The following COLEC12 variants were observed in gnomAD, a reference collection of about 807,000 sequenced individuals.
COLEC12 encodes collectin subfamily member 12.
COLEC12 carries 33 observed loss-of-function variants against 71.1 expected under a neutral mutation model. The ratio of observed to expected loss-of-function variants is 0.46; its 90% CI spans 0.35 to 0.62. COLEC12 has a LOEUF of 0.62. Ranked by LOEUF, COLEC12 falls within the 20% of genes least tolerant of loss-of-function variation. COLEC12 has a pLI of 0.00. For synonymous variants in COLEC12, 350 were observed against 353.0 expected (o/e 0.99, Z 0.10); for missense variants, 765 against 916.1 (o/e 0.84, Z 2.13).
At position 358,177 on chromosome 18, in the gene COLEC12, AGGTAGG is replaced by A. The variant is rs558172248; in HGVS notation, c.59-661_59-656del. On this transcript the variant is annotated intron_variant, in intron 2 of 9. Coordinates refer to ENST00000400256, the MANE Select transcript of COLEC12 (RefSeq NM_130386.3). The stretch of plus-strand genomic sequence containing the variant: ...ATGAAACTGGTCCCTGGTTCCAAAA[AGGTAGG>A]GGACCACTGTCCTAGAGTGTACTTA... Among the ~76,000 whole-genome samples, 506 of 152,276 alleles carry A rather than the reference AGGTAGG, an allele frequency of 3.3e-3. 3 individuals are homozygous for A. Among genetic ancestry groups the A allele is most frequent in the African/African-American group, 0.012 (488 of 41,570 alleles).
intron 2 of COLEC12, among the ~76,000 whole-genome samples, chr18:439,936 A>G (rs1165484805): frequency 6.6e-6 from 1 of 152,224 alleles, no homozygotes. Flanking sequence ...ATACAGAAAC[A>G]ATCTAAATGT....
chr18:474,005 G>A (rs1254754056), intron 2 of COLEC12, among the ~76,000 whole-genome samples: 1 of 152,092 alleles, frequency 6.6e-6, no homozygotes, highest in Non-Finnish European at 1.5e-5. Flanking sequence ...GAAAATTCAG[G>A]GCTCCAGTGT....
chr18:464,013 C>T (rs1268753784), intron 2 of COLEC12, among the ~76,000 whole-genome samples: 1 of 152,152 alleles, frequency 6.6e-6, no homozygotes, highest in East Asian at 1.9e-4. Context: ...GACTGGTTCC[C>T]TTTCTTGGTT....
intron 2 of COLEC12, among the ~76,000 whole-genome samples, chr18:381,070 C>T (rs1186903064): frequency 6.6e-6 from 1 of 152,042 alleles, no homozygotes; most frequent in African/African-American, 2.4e-5. Context: ...GAAGTTGAGC[C>T]TTCTATAAAT....
chr18:373,615 CGTT>C (rs1915049744), intron 2 of COLEC12, among the ~76,000 whole-genome samples: 1 of 152,100 alleles, frequency 6.6e-6, no homozygotes. Context: ...TAACAAATCT[CGTT>C]GTCAATTTCT....
chr18:423,186 T>G (rs137865227), intron 2 of COLEC12, among the ~76,000 whole-genome samples: 6 of 152,240 alleles, frequency 3.9e-5, no homozygotes, highest in East Asian at 1.9e-4. Flanking sequence ...GGAGGACTGC[T>G]TGAGCCCAGG....
rs146002075 is a variant in COLEC12, at chr18:333,630, C to T, written c.1817-487G>A. 363 of 152,716 alleles carry T rather than the reference C, an allele frequency of 2.4e-3. 2 individuals carry two copies. The highest frequency in any genetic ancestry group is 7.8e-3 in the African/African-American group (324 of 41,576). The allele number at this position is 152,716 out of a possible 1,614,324, so 9.5% of individuals were successfully genotyped here. A position where few individuals can be genotyped will look rare whatever the true frequency, so the allele number is the denominator to read the frequency against. On this transcript the variant is annotated intron_variant, in intron 6 of 9. Transcript: ENST00000400256. The stretch of plus-strand genomic sequence containing the variant: ...TAGGCTTGGTTGCTAACCAAACATT[C>T]GAGTTTTGCCAAAGGTTTAATTATC...
At chr18:457,323 T>C (rs2030434035) in intron 2 of COLEC12, among the ~76,000 whole-genome samples, 1 of 152,096 alleles carries the variant, frequency 6.6e-6, no homozygotes, top group African/African-American at 2.4e-5. Context: ...GGAGATTCAG[T>C]TACAGTGAAG....
At chr18:389,012 GC>G (rs1053436916) in intron 2 of COLEC12, among the ~76,000 whole-genome samples, 65 of 152,054 alleles carry the variant, frequency 4.3e-4, no homozygotes, top group Non-Finnish European at 6.2e-4. Flanking sequence ...AAGGAAAGCA[GC>G]CCAGTTACAT....
At chr18:438,268 C>T (rs1034031625) in intron 2 of COLEC12, among the ~76,000 whole-genome samples, 3 of 152,174 alleles carry the variant, frequency 2.0e-5, no homozygotes, top group Non-Finnish European at 1.5e-5. Context: ...GAAAAATTCA[C>T]TTTTTCTCTT....
At chr18:443,411 G>A (rs1185854516) in intron 2 of COLEC12, among the ~76,000 whole-genome samples, 1 of 152,166 alleles carries the variant, frequency 6.6e-6, no homozygotes, top group Non-Finnish European at 1.5e-5. Context: ...ATGTCTTTTG[G>A]TTAGTAAAGT....
At chr18:328,597 C>T (rs192215957) in intron 8 of COLEC12, among the ~76,000 whole-genome samples, 13 of 152,304 alleles carry the variant, frequency 8.5e-5, no homozygotes, top group African/African-American at 2.6e-4. Context: ...TTCTTGAGCA[C>T]TTCCTATGTG....
chr18:486,481 G>A (rs1917520550), intron 1 of COLEC12, among the ~76,000 whole-genome samples: 1 of 152,110 alleles, frequency 6.6e-6, no homozygotes, highest in Admixed American at 6.6e-5. Flanking sequence ...CACCACACCT[G>A]GCTGCATTTT....
intron 2 of COLEC12, among the ~76,000 whole-genome samples, chr18:381,699 T>C (rs1915234313): frequency 6.6e-6 from 1 of 152,186 alleles, no homozygotes; most frequent in Non-Finnish European, 1.5e-5. Context: ...AAAACATTAC[T>C]TGTCATGAAG....
At chr18:446,315 C>T (rs925882124) in intron 2 of COLEC12, among the ~76,000 whole-genome samples, 2 of 152,114 alleles carry the variant, frequency 1.3e-5, no homozygotes, top group African/African-American at 2.4e-5. Context: ...CAAACACACA[C>T]CCCTAAGAGT....
At chr18:429,710 G>A (rs1329223660) in intron 2 of COLEC12, among the ~76,000 whole-genome samples, 1 of 152,074 alleles carries the variant, frequency 6.6e-6, no homozygotes, top group Non-Finnish European at 1.5e-5. Context: ...ACACAAGCTA[G>A]CAAAGAACAG....
chr18:447,167 C>T (rs1435802595), intron 2 of COLEC12, among the ~76,000 whole-genome samples: 3 of 152,216 alleles, frequency 2.0e-5, no homozygotes, highest in Non-Finnish European at 2.9e-5. Context: ...TACATTCAGG[C>T]TTTACTTGGC....
chr18:326,789 TAAGTC>T (rs1470381968), intron 8 of COLEC12, among the ~76,000 whole-genome samples: 1 of 152,242 alleles, frequency 6.6e-6, no homozygotes, highest in Non-Finnish European at 1.5e-5. Flanking sequence ...AAATATCAAT[TAAGTC>T]AAGTCAGTTG....
chr18:403,452 C>T (rs1304212642), intron 2 of COLEC12, among the ~76,000 whole-genome samples: 1 of 152,218 alleles, frequency 6.6e-6, no homozygotes, highest in Non-Finnish European at 1.5e-5. Flanking sequence ...ATTTGCTCCT[C>T]TTCACCCCAC....
Sources: gnomAD v4.1 joint callset for allele counts (sites outside exome capture counted in the v4.1 genomes callset) on GRCh38, gnomAD v4.1.1 for gene constraint, MANE v1.5 for transcripts, NCBI Gene and HGNC (gene_info 2026-07-23, HGNC 2026-07-21) for gene names.